Variants in RABGAP1L observed in about 807,000 individuals in gnomAD.
RABGAP1L encodes the protein RAB GTPase activating protein 1 like.
Under a neutral mutation model 137.7 loss-of-function variants are expected in RABGAP1L, and 63 were observed. That is an observed-to-expected ratio of 0.46 (90% CI 0.37 to 0.56). RABGAP1L has a LOEUF of 0.56. RABGAP1L is among the 20% of genes least tolerant of loss of function. RABGAP1L has a pLI of 0.00. For missense variants in RABGAP1L, 1,095 were observed against 1,244.0 expected (o/e 0.88, Z 1.80); for synonymous variants, 431 against 433.7 (o/e 0.99, Z 0.08).
intron 19 of RABGAP1L, among the ~76,000 whole-genome samples, chr1:174,843,968 C>G (rs1361780105): frequency 7.5e-6 from 1 of 133,416 alleles, no homozygotes; most frequent in East Asian, 2.4e-4. Flanking sequence ...TTGCATTTCT[C>G]TGATGGCCAG....
At chr1:174,822,221 G>A (rs749794469) in intron 19 of RABGAP1L, among the ~76,000 whole-genome samples, 9 of 152,178 alleles carry the variant, frequency 5.9e-5, no homozygotes, top group Non-Finnish European at 1.2e-4. Context: ...AGATTGCACC[G>A]CTGCACTGCA....
intron 13 of RABGAP1L, among the ~76,000 whole-genome samples, chr1:174,603,083 T>A (rs141259122): frequency 9.9e-5 from 15 of 152,222 alleles, no homozygotes; most frequent in Non-Finnish European, 2.1e-4. Flanking sequence ...TGTTCCTGTC[T>A]TTTTGGAGAA....
intron 11 of RABGAP1L, among the ~76,000 whole-genome samples, chr1:174,306,369 A>T (rs553668601): frequency 5.3e-4 from 80 of 152,308 alleles, no homozygotes; most frequent in African/African-American, 1.9e-3. Flanking sequence ...GAACTAGTTT[A>T]CAGTGCCACC....
chr1:174,925,398 A>G (rs1196987512), intron 19 of RABGAP1L, among the ~76,000 whole-genome samples: 3 of 151,716 alleles, frequency 2.0e-5, no homozygotes, highest in African/African-American at 4.8e-5. Context: ...AACAACAACA[A>G]AAAAAACAGC....
At chr1:174,598,251 C>T (rs1217082835) in intron 13 of RABGAP1L, among the ~76,000 whole-genome samples, 1 of 150,820 alleles carries the variant, frequency 6.6e-6, no homozygotes, top group East Asian at 1.9e-4. Flanking sequence ...TCCCTTGAAC[C>T]CGGGAGGCGG....
intron 23 of RABGAP1L, among the ~76,000 whole-genome samples, chr1:174,981,482 T>C (rs1365419021): frequency 6.6e-6 from 1 of 150,750 alleles, no homozygotes; most frequent in Non-Finnish European, 1.5e-5. Context: ...GTTTTGATAA[T>C]AGAGGTAGAC....
At chr1:174,342,357 C>T (rs1480191369) in intron 11 of RABGAP1L, among the ~76,000 whole-genome samples, 1 of 152,020 alleles carries the variant, frequency 6.6e-6, no homozygotes, top group Non-Finnish European at 1.5e-5. Flanking sequence ...TTCTATTTTT[C>T]CCTAGTAAGT....
intron 13 of RABGAP1L, among the ~76,000 whole-genome samples, chr1:174,543,706 T>C (rs1665710774): frequency 6.6e-6 from 1 of 152,226 alleles, no homozygotes; most frequent in African/African-American, 2.4e-5. Context: ...TCTTTACCAT[T>C]TGGCATGTTT....
intron 18 of RABGAP1L, among the ~76,000 whole-genome samples, chr1:174,781,388 A>C (rs1374714910): frequency 6.6e-6 from 1 of 152,182 alleles, no homozygotes; most frequent in East Asian, 1.9e-4. Context: ...GTGTCTCTTC[A>C]TATCCTTCAC....
intron 18 of RABGAP1L, among the ~76,000 whole-genome samples, chr1:174,755,928 A>C (rs1684715289): frequency 6.6e-6 from 1 of 152,184 alleles, no homozygotes; most frequent in Non-Finnish European, 1.5e-5. Flanking sequence ...AGACTACTTA[A>C]ATTCAGATTC....
intron 13 of RABGAP1L, among the ~76,000 whole-genome samples, chr1:174,616,893 C>T (rs765017658): frequency 7.2e-5 from 11 of 152,102 alleles, no homozygotes; most frequent in African/African-American, 7.2e-5. Flanking sequence ...AAGCATCTCA[C>T]GTGATTCTTA....
intron 10 of RABGAP1L, among the ~76,000 whole-genome samples, chr1:174,281,840 C>A (rs948460648): frequency 6.6e-6 from 1 of 152,186 alleles, no homozygotes; most frequent in African/African-American, 2.4e-5. Flanking sequence ...ATCCCTCACT[C>A]TTAAAAGTTC....
intron 13 of RABGAP1L, among the ~76,000 whole-genome samples, chr1:174,482,676 C>T (rs1482231696): frequency 2.0e-5 from 3 of 152,120 alleles, no homozygotes; most frequent in Admixed American, 2.0e-4. Context: ...GGGGTTTCAT[C>T]ATGTTGCCCA....
chr1:174,601,860 G>C lies in RABGAP1L; in HGVS notation c.1711-35515G>C, dbSNP rs192654138. On this transcript the variant is annotated intron_variant, in intron 13 of 25. Coordinates refer to ENST00000681986, the MANE Select transcript of RABGAP1L (RefSeq NM_001366446.1). Reference sequence around the variant, plus strand: ...AGTTCAAAGTTCCACAAATCTCTAGGGCAGGGACGAAATGCCACCAGTTTT... The same window carrying C: ...AGTTCAAAGTTCCACAAATCTCTAGCGCAGGGACGAAATGCCACCAGTTTT... Among the ~76,000 whole-genome samples the C allele has an allele frequency of 1.4e-3, 208 of 152,120 alleles. 1 individual carries two copies. Among genetic ancestry groups the C allele is most frequent in the African/African-American group, 4.6e-3 (191 of 41,492 alleles).
At chr1:174,232,748 A>G (rs1159097271) in intron 4 of RABGAP1L, among the ~76,000 whole-genome samples, 22 of 150,978 alleles carry the variant, frequency 1.5e-4, no homozygotes, top group Admixed American at 7.9e-4. Context: ...GCGACAGAGC[A>G]AGACGCCATC....
At chr1:174,627,156 TCA>T (rs2148296023) in intron 13 of RABGAP1L, among the ~76,000 whole-genome samples, 1 of 152,348 alleles carries the variant, frequency 6.6e-6, no homozygotes, top group Non-Finnish European at 1.5e-5. Flanking sequence ...AAAGATGCTG[TCA>T]CAGTTTTTAA....
At chr1:174,827,310 G>A (rs1691670227) in intron 19 of RABGAP1L, among the ~76,000 whole-genome samples, 1 of 152,088 alleles carries the variant, frequency 6.6e-6, no homozygotes, top group African/African-American at 2.4e-5. Flanking sequence ...ACTGTGCCCA[G>A]CTCTAATCTC....
Position 174,272,303 on chromosome 1 carries a change from T to C in RABGAP1L, c.987-111T>C, listed in dbSNP as rs1674619496. On this transcript the variant is annotated intron_variant, in intron 7 of 25. Transcript: ENST00000681986. ...TGTTTTTAGAAAAAAAACTAAAGCT[T>C]ATAAATACAGAGCTCAGATTGTATA... 7.1e-6 allele frequency: 8 copies of C among 1,132,208 alleles called. No individual in the cohort carries two copies. In the South Asian group the frequency reaches 1.1e-4, roughly 16 times the overall value. 70.1% of individuals were successfully genotyped at this position (1,132,208 alleles called of 1,614,324 possible).
intron 14 of RABGAP1L, among the ~76,000 whole-genome samples, chr1:174,658,917 G>A (rs185739949): frequency 6.6e-6 from 1 of 152,030 alleles, no homozygotes; most frequent in Non-Finnish European, 1.5e-5. Flanking sequence ...ACACAAAACT[G>A]GTAAACAAAT....
Sources: allele counts gnomAD v4.1 joint callset (sites outside exome capture counted in the v4.1 genomes callset), GRCh38; gene constraint gnomAD v4.1.1; transcripts MANE v1.5; gene names NCBI Gene and HGNC (gene_info 2026-07-23, HGNC 2026-07-21).